The following HNRNPC variants were observed in gnomAD, a reference collection of about 807,000 sequenced individuals.
The protein encoded by HNRNPC is heterogeneous nuclear ribonucleoprotein C.
Under a neutral mutation model 33.2 loss-of-function variants are expected in HNRNPC, and 3 were observed. That is an observed-to-expected ratio of 0.09 (90% confidence interval 0.04 to 0.23). The LOEUF is 0.23. Ranked by LOEUF, HNRNPC falls within the 10% of genes least tolerant of loss-of-function variation. The pLI is 1.00. For synonymous variants in HNRNPC, 121 were observed against 126.7 expected (o/e 0.96, Z 0.30); for missense variants, 143 against 366.7 (o/e 0.39, Z 4.98).
chr14:21,209,586 G>A lies in HNRNPC; in HGVS notation c.*1637C>T, dbSNP rs1891414008. The A allele has an allele frequency of 1.3e-5, 2 of 152,114 alleles. No individual in the cohort carries two copies. The highest frequency in any genetic ancestry group is 6.6e-5 in the Admixed American group (1 of 15,258). 9.4% of individuals were successfully genotyped at this position (152,114 alleles called of 1,614,324 possible). A position where few individuals can be genotyped will look rare whatever the true frequency, so the allele number is the denominator to read the frequency against. On this transcript the variant is annotated 3_prime_UTR_variant, in exon 9 of 9. Coordinates refer to ENST00000553300, the MANE Select transcript of HNRNPC (RefSeq NM_004500.4). ...TATATCATGTATATGGGCTCCAAGG[G>A]TAGTTCATACTTCAGCCTCTTCATT... is the stretch of plus-strand genomic sequence containing the variant.
Position 21,213,137 on chromosome 14 carries a change from T to C in HNRNPC, c.366-20A>G. On this transcript the variant is annotated intron_variant, in intron 5 of 8. Transcript: ENST00000553300. ...TACATCCTATTGGATAAGAGGAAAA[T>C]GGAATTCATTCAAACCTAACATTAA... The C allele has an allele frequency of 2.5e-6, 4 of 1,611,452 alleles. No individual in the cohort carries two copies. The highest frequency in any genetic ancestry group is 3.4e-6 in the Non-Finnish European group (4 of 1,178,144).
intron 6 of HNRNPC, 101 bp downstream of exon 6, chr14:21,212,859 G>T: frequency 1.4e-6 from 2 of 1,433,824 alleles, no homozygotes; most frequent in Admixed American, 1.7e-5. Flanking sequence ...CCATTATTTT[G>T]AATACACAAA....
chr14:21,232,936 C>G (rs556391923), intron 3 of HNRNPC, among the ~76,000 whole-genome samples: 2 of 152,016 alleles, frequency 1.3e-5, no homozygotes, highest in African/African-American at 4.8e-5. Flanking sequence ...ACTCGGGAGG[C>G]TGAAACAGGA....
chr14:21,240,167 G>C (rs1417434288), intron 2 of HNRNPC, among the ~76,000 whole-genome samples: 4 of 152,172 alleles, frequency 2.6e-5, no homozygotes, highest in Non-Finnish European at 2.9e-5. Flanking sequence ...TTTAATAGTA[G>C]TGGGAAGGAC....
At chr14:21,221,184 T>C (rs8014350) in intron 5 of HNRNPC, among the ~76,000 whole-genome samples, 2 of 152,214 alleles carry the variant, frequency 1.3e-5, no homozygotes, top group Non-Finnish European at 2.9e-5. Context: ...ACATCACAAA[T>C]ACCAGTTTAT....
chr14:21,223,841 A>G (rs1243580747), intron 5 of HNRNPC, among the ~76,000 whole-genome samples: 1 of 152,178 alleles, frequency 6.6e-6, no homozygotes, highest in Non-Finnish European at 1.5e-5. Context: ...TCTGGCACCT[A>G]TATGTATGAT....
intron 6 of HNRNPC, 109 bp downstream of exon 6, chr14:21,212,851 A>G: frequency 7.2e-7 from 1 of 1,387,504 alleles, no homozygotes. Flanking sequence ...AGCCTCTTCC[A>G]TTATTTTGAA....
chr14:21,230,455 CACAACAAATAGA>C lies in HNRNPC; in HGVS notation c.318-101_318-90del, dbSNP rs1893984492. On this transcript the variant is annotated intron_variant, in intron 4 of 8. Transcript: ENST00000553300. ...GAGGGGAGAACCATGCCAAATAAAC[CACAACAAATAGA>C]TCAACAAGATTAGCACTGAATGATC... The C allele has an allele frequency of 3.5e-6, 3 of 862,238 alleles. No individual in the cohort carries two copies. The Admixed American group carries it at 6.1e-5, about 17-fold the overall frequency. 53.4% of individuals were successfully genotyped at this position (862,238 alleles called of 1,614,324 possible).
intron 1 of HNRNPC, among the ~76,000 whole-genome samples, chr14:21,265,725 CTGAGA>C (rs1350987864): frequency 6.6e-6 from 1 of 152,188 alleles, no homozygotes; most frequent in Non-Finnish European, 1.5e-5. Flanking sequence ...GTGCAGTGAG[CTGAGA>C]TGACACTACT....
At chr14:21,214,964 C>T (rs111643735) in intron 5 of HNRNPC, among the ~76,000 whole-genome samples, 84 of 152,272 alleles carry the variant, frequency 5.5e-4, no homozygotes, top group Middle Eastern at 3.4e-3. Flanking sequence ...AAACCTTCAC[C>T]GGCACCCGTA....
intron 2 of HNRNPC, among the ~76,000 whole-genome samples, chr14:21,242,272 C>T (rs1385504081): frequency 6.6e-6 from 1 of 152,146 alleles, no homozygotes; most frequent in Non-Finnish European, 1.5e-5. Flanking sequence ...ATCACGAGGT[C>T]AAGAGGTGGA....
intron 2 of HNRNPC, among the ~76,000 whole-genome samples, chr14:21,246,488 C>G (rs1333541643): frequency 6.6e-6 from 1 of 151,744 alleles, no homozygotes; most frequent in African/African-American, 2.4e-5. Flanking sequence ...ATGGCGTGAA[C>G]CCGGGAGGCA....
At chr14:21,229,234 C>T (rs1309660545) in intron 5 of HNRNPC, among the ~76,000 whole-genome samples, 1 of 150,276 alleles carries the variant, frequency 6.7e-6, no homozygotes, top group Admixed American at 6.6e-5. Flanking sequence ...ACTAAAAATA[C>T]AAAAAATTAG....
intron 5 of HNRNPC, 114 bp from the exon 6 acceptor site, chr14:21,213,231 T>A: frequency 9.0e-7 from 1 of 1,111,716 alleles, no homozygotes; most frequent in Non-Finnish European, 1.2e-6. Context: ...TTCCTTTTAT[T>A]AAATTTCATT....
rs118027358 is a variant in HNRNPC, at chr14:21,246,601, A to C, written c.-36-12372T>G. Among the ~76,000 whole-genome samples, 82 of 152,190 alleles carry C rather than the reference A, an allele frequency of 5.4e-4. 1 individual carries two copies. In the East Asian group the frequency reaches 0.015, roughly 28 times the overall value. ...AAAAAAAGTCGTCTTATAACAAATA[A>C]AAGTCTGCCAATTTCCCTTTAACAC... On this transcript the variant is annotated intron_variant, in intron 2 of 8. Coordinates refer to ENST00000553300, the MANE Select transcript of HNRNPC (RefSeq NM_004500.4).
chr14:21,266,681 A>C (rs1410090844), intron 1 of HNRNPC, among the ~76,000 whole-genome samples: 5 of 150,258 alleles, frequency 3.3e-5, no homozygotes, highest in African/African-American at 1.2e-4. Flanking sequence ...CCCATTTCCA[A>C]TGAGAATACA....
chr14:21,227,441 G>T (rs1442806340), intron 5 of HNRNPC, among the ~76,000 whole-genome samples: 1 of 152,182 alleles, frequency 6.6e-6, no homozygotes, highest in African/African-American at 2.4e-5. Context: ...AACAATAGAA[G>T]ACATTACTTT....
chr14:21,228,216 C>G (rs1404283208), intron 5 of HNRNPC, among the ~76,000 whole-genome samples: 1 of 152,168 alleles, frequency 6.6e-6, no homozygotes, highest in African/African-American at 2.4e-5. Context: ...CCATCTATGC[C>G]TAATGTTCCA....
intron 2 of HNRNPC, among the ~76,000 whole-genome samples, chr14:21,242,213 G>T (rs1453630513): frequency 6.6e-6 from 1 of 152,170 alleles, no homozygotes; most frequent in Admixed American, 6.5e-5. Context: ...GGCCAGGCAA[G>T]GTGGCTCACG....
Sources: gnomAD v4.1 joint callset for allele counts (sites outside exome capture counted in the v4.1 genomes callset) on GRCh38, gnomAD v4.1.1 for gene constraint, MANE v1.5 for transcripts, NCBI Gene and HGNC (gene_info 2026-07-23, HGNC 2026-07-21) for gene names.